The following C6 variants were observed in gnomAD, a reference collection of about 807,000 sequenced individuals.
C6 encodes complement C6.
In C6, 101 loss-of-function variants were observed where a neutral mutation model predicts 112.9. That is an observed-to-expected ratio of 0.89 (90% CI 0.76 to 1.06). C6 has a LOEUF of 1.06. Ranked by LOEUF, C6 falls within the 50% of genes least tolerant of loss-of-function variation. The probability of loss-of-function intolerance (pLI) is 0.00; values close to 1 mark genes in which losing one functional copy is unlikely to be tolerated. For missense variants in C6, 1,202 were observed against 1,104.6 expected (o/e 1.09, Z -1.25); for synonymous variants, 431 against 384.1 (o/e 1.12, Z -1.43).
intron 7 of C6, among the ~76,000 whole-genome samples, chr5:41,177,194 A>G (rs1748929441): frequency 6.6e-6 from 1 of 152,224 alleles, no homozygotes; most frequent in South Asian, 2.1e-4. Context: ...TCTAGACTTC[A>G]GTTGTCAAAT....
At chr5:41,174,545 C>G (rs1311936537) in intron 8 of C6, among the ~76,000 whole-genome samples, 1 of 152,158 alleles carries the variant, frequency 6.6e-6, no homozygotes, top group Non-Finnish European at 1.5e-5. Flanking sequence ...GATGTTTTCA[C>G]TGTGTTTATG....
Position 41,159,014 on chromosome 5 carries a change from A to G in C6, c.1856+68T>C, listed in dbSNP as rs185704283. ...TTTACTTAGCAGTAGACTAATAACC[A>G]TTTGAACTCTCAATGTTATTGAGAG... is the stretch of plus-strand genomic sequence containing the variant. On this transcript the variant is annotated intron_variant, in intron 12 of 17. Coordinates refer to ENST00000337836, the MANE Select transcript of C6 (RefSeq NM_000065.5). 4.5e-4 allele frequency: 696 copies of G among 1,530,942 alleles called. No individual in the cohort carries two copies. The African/African-American group carries it at 8.8e-3, about 19-fold the overall frequency. The allele number at this position is 1,530,942 out of a possible 1,614,324, so 94.8% of individuals were successfully genotyped here.
rs917761574 is a variant in C6 at position 41,164,026 on chromosome 5, T to A, written c.1292-2167A>T. On this transcript the variant is annotated intron_variant, in intron 9 of 17. Coordinates refer to ENST00000337836, the MANE Select transcript of C6 (RefSeq NM_000065.5). ...TCGTGTTAAGAACTCAGACTCTCAA[T>A]GAGTATATGGAATAGGTATATAAAT... Among the ~76,000 whole-genome samples, 10 of 148,142 alleles carry A rather than the reference T, an allele frequency of 6.8e-5. 1 individual carries two copies.
At chr5:41,236,824 C>T (rs1401958811) in intron 1 of C6, among the ~76,000 whole-genome samples, 35 of 124,754 alleles carry the variant, frequency 2.8e-4, no homozygotes, top group Middle Eastern at 3.9e-3. Context: ...ATTGATAGAC[C>T]GCTAGCAAGA....
chr5:41,205,670 G>A (rs1171673211), intron 1 of C6, among the ~76,000 whole-genome samples: 8 of 152,222 alleles, frequency 5.3e-5, no homozygotes, highest in East Asian at 1.9e-4. Context: ...GGAGGCTGGC[G>A]GAGGGGTGCC....
chr5:41,205,740 G>A (rs1297629480), intron 1 of C6, among the ~76,000 whole-genome samples: 1 of 152,222 alleles, frequency 6.6e-6, no homozygotes, highest in Non-Finnish European at 1.5e-5. Context: ...ACCTGGTGGA[G>A]CCCACCACAG....
chr5:41,233,033 T>A (rs1205038138), intron 1 of C6, among the ~76,000 whole-genome samples: 1 of 152,106 alleles, frequency 6.6e-6, no homozygotes, highest in African/African-American at 2.4e-5. Flanking sequence ...TCAATTAATA[T>A]TCTATTATGT....
At chr5:41,249,264 C>T (rs187382576) in intron 1 of C6, among the ~76,000 whole-genome samples, 2 of 152,100 alleles carry the variant, frequency 1.3e-5, no homozygotes, top group African/African-American at 4.8e-5. Flanking sequence ...CAAAACTGCA[C>T]ATGCTTTCCC....
chr5:41,172,181 G>T, intron 9 of C6, 44 bp downstream of exon 9: 3 of 1,606,620 alleles, frequency 1.9e-6, no homozygotes, highest in Non-Finnish European at 2.6e-6. Flanking sequence ...TGACAGCCAG[G>T]CTCAGGGCAC....
chr5:41,179,838 C>A lies in C6; in HGVS notation c.927+1521G>T, dbSNP rs534381905. 1.7e-4 allele frequency among the ~76,000 whole-genome samples: 26 copies of A among 151,840 alleles called. No homozygotes were observed. In the South Asian group the frequency reaches 5.4e-3, roughly 32 times the overall value. On this transcript the variant is annotated intron_variant, in intron 7 of 17. Coordinates refer to ENST00000337836, the MANE Select transcript of C6 (RefSeq NM_000065.5). ...AATGAATGAATAAAGAGTCAAATAT[C>A]TTGAAGTGTAATACAATGAATAAGA...
Position 41,206,629 on chromosome 5 carries a change from A to G in C6, c.-20-3379T>C, listed in dbSNP as rs556423187. Reference sequence around the variant, plus strand: ...TCACATGGAAGAAAGGGTTTCAGTGATTGAAGATCAAATGAATGAAATGAA... The same window carrying G: ...TCACATGGAAGAAAGGGTTTCAGTGGTTGAAGATCAAATGAATGAAATGAA... On this transcript the variant is annotated intron_variant, in intron 1 of 17. Transcript: ENST00000337836. Among the ~76,000 whole-genome samples the G allele has an allele frequency of 5.9e-5, 9 of 152,336 alleles. No individual in the cohort carries two copies. In the South Asian group the frequency reaches 1.7e-3, roughly 28 times the overall value.
At chr5:41,156,578 TC>T (rs1244799609) in intron 13 of C6, among the ~76,000 whole-genome samples, 1 of 152,326 alleles carries the variant, frequency 6.6e-6, no homozygotes, top group East Asian at 1.9e-4. Flanking sequence ...AAGCAGTTGT[TC>T]TTCTGAGAAT....
chr5:41,258,648 G>A (rs531961818), intron 1 of C6, among the ~76,000 whole-genome samples: 2 of 152,276 alleles, frequency 1.3e-5, no homozygotes, highest in South Asian at 2.1e-4. Flanking sequence ...ACATCTATAC[G>A]TACTGTATTA....
chr5:41,202,003 G>A (rs1466221088), intron 2 of C6, among the ~76,000 whole-genome samples: 1 of 152,102 alleles, frequency 6.6e-6, no homozygotes, highest in Non-Finnish European at 1.5e-5. Flanking sequence ...TTCTAAGTGT[G>A]GGGCCTGTGT....
At chr5:41,171,520 T>C (rs932979213) in intron 9 of C6, among the ~76,000 whole-genome samples, 5 of 152,130 alleles carry the variant, frequency 3.3e-5, no homozygotes, top group Admixed American at 1.3e-4. Context: ...CCGGTAGAGA[T>C]GTTTAGTGGA....
chr5:41,219,617 A>C (rs1739039915), intron 1 of C6, among the ~76,000 whole-genome samples: 1 of 152,184 alleles, frequency 6.6e-6, no homozygotes, highest in Non-Finnish European at 1.5e-5. Flanking sequence ...TACCTAAAGC[A>C]TGAAGAAAAG....
intron 1 of C6, among the ~76,000 whole-genome samples, chr5:41,243,504 A>G (rs1451875512): frequency 6.6e-6 from 1 of 152,166 alleles, no homozygotes; most frequent in Non-Finnish European, 1.5e-5. Context: ...AATTTCTTGA[A>G]TCTAGCTGCT....
chr5:41,143,520 A>G (rs1007630058), intron 17 of C6, among the ~76,000 whole-genome samples: 1 of 152,246 alleles, frequency 6.6e-6, no homozygotes, highest in African/African-American at 2.4e-5. Context: ...TAGAGCATGT[A>G]CTGTGAAGCC....
chr5:41,226,017 G>T (rs531630099), intron 1 of C6, among the ~76,000 whole-genome samples: 2 of 152,046 alleles, frequency 1.3e-5, no homozygotes, highest in African/African-American at 4.8e-5. Context: ...AAACCTAGGT[G>T]ATACCATTCA....
Sources: gnomAD v4.1 joint callset for allele counts (sites outside exome capture counted in the v4.1 genomes callset) on GRCh38, gnomAD v4.1.1 for gene constraint, MANE v1.5 for transcripts, NCBI Gene and HGNC (gene_info 2026-07-23, HGNC 2026-07-21) for gene names.